The following THSD4 variants were observed in gnomAD, a reference collection of about 807,000 sequenced individuals.
THSD4 encodes the protein thrombospondin type 1 domain containing 4, also known as thrombospondin type-1 domain-containing protein 4.
THSD4 carries 69 observed loss-of-function variants against 119.0 expected under a neutral mutation model. That is an observed-to-expected ratio of 0.58 (90% CI 0.48 to 0.71). The LOEUF (loss-of-function observed/expected upper bound fraction) is 0.71, where lower values mean the gene tolerates loss of function less well. Ranked by LOEUF, THSD4 falls within the 30% of genes least tolerant of loss-of-function variation. The pLI, the probability that THSD4 is intolerant of heterozygous loss-of-function variation, is 0.00. For missense variants in THSD4, 1,393 were observed against 1,391.1 expected (o/e 1.00, Z -0.02); for synonymous variants, 524 against 540.4 (o/e 0.97, Z 0.42).
rs536390176 is a variant in THSD4, at chr15:71,228,265, TGAA to T, written c.464+12869_464+12871del. Among the ~76,000 whole-genome samples, 19 of 151,976 alleles carry T rather than the reference TGAA, an allele frequency of 1.3e-4. No homozygotes were observed. The South Asian group carries it at 3.7e-3, about 30-fold the overall frequency. On this transcript the variant is annotated intron_variant, in intron 4 of 17. Transcript: ENST00000261862. ...TGTGAAGATAGAATAGAGAGAGACT[TGAA>T]GATGCAGCTCTTGAAGACTGGAGTG...
intron 3 of THSD4, among the ~76,000 whole-genome samples, chr15:71,181,479 G>A (rs920297872): frequency 5.3e-5 from 8 of 152,162 alleles, no homozygotes; most frequent in East Asian, 3.8e-4. Flanking sequence ...ATAATGGTAC[G>A]GTCCTGGCAT....
intron 1 of THSD4, among the ~76,000 whole-genome samples, chr15:71,103,605 A>G (rs2040262244): frequency 6.6e-6 from 1 of 151,976 alleles, no homozygotes; most frequent in Non-Finnish European, 1.5e-5. Context: ...TGAAAAAAAA[A>G]GGAAGAAAGA....
chr15:71,653,373 C>G (rs1301451605), intron 7 of THSD4, among the ~76,000 whole-genome samples: 1 of 152,182 alleles, frequency 6.6e-6, no homozygotes, highest in Admixed American at 6.5e-5. Flanking sequence ...ATGTGCTCCT[C>G]GGTGTCCCAT....
chr15:71,743,226 TCTTCCCAA>T (rs2053270251), intron 11 of THSD4, among the ~76,000 whole-genome samples: 1 of 152,140 alleles, frequency 6.6e-6, no homozygotes, highest in Non-Finnish European at 1.5e-5. Context: ...GCAGGACCCA[TCTTCCCAA>T]GACACAGAGC....
chr15:71,570,975 T>C (rs904725644), intron 7 of THSD4, among the ~76,000 whole-genome samples: 1 of 152,156 alleles, frequency 6.6e-6, no homozygotes, highest in Admixed American at 6.5e-5. Context: ...CTGTGGATCA[T>C]TGAACCTTCA....
At chr15:71,743,764 C>T (rs899094784) in intron 11 of THSD4, among the ~76,000 whole-genome samples, 3 of 152,178 alleles carry the variant, frequency 2.0e-5, no homozygotes, top group African/African-American at 7.2e-5. Context: ...TCTTACTACC[C>T]TCTGGGTCAG....
intron 7 of THSD4, among the ~76,000 whole-genome samples, chr15:71,558,041 A>C (rs73443856): frequency 2.6e-4 from 39 of 152,224 alleles, no homozygotes; most frequent in African/African-American, 8.7e-4. Context: ...TTTAAAATTT[A>C]TGTGGGCCGC....
intron 9 of THSD4, chr15:71,729,520 A>G (rs548975274): frequency 6.6e-6 from 1 of 152,214 alleles, no homozygotes; most frequent in East Asian, 1.9e-4. Flanking sequence ...TATTAATTGC[A>G]TTGTCATTAC....
chr15:71,361,656 A>G (rs960284820), intron 6 of THSD4, among the ~76,000 whole-genome samples: 7 of 152,214 alleles, frequency 4.6e-5, no homozygotes, highest in African/African-American at 9.7e-5. Context: ...ACCTACAGCT[A>G]TTTCACTATT....
At chr15:71,485,509 G>C (rs1237877452) in intron 7 of THSD4, among the ~76,000 whole-genome samples, 1 of 152,140 alleles carries the variant, frequency 6.6e-6, no homozygotes, top group Non-Finnish European at 1.5e-5. Context: ...GAAATGTTTT[G>C]AGATCATTAA....
intron 4 of THSD4, among the ~76,000 whole-genome samples, chr15:71,242,199 G>T (rs556713322): frequency 3.9e-4 from 60 of 152,194 alleles, no homozygotes; most frequent in African/African-American, 1.4e-3. Flanking sequence ...AAATATCACA[G>T]TTAGTTGAAG....
chr15:71,389,329 T>A (rs1354266929), intron 6 of THSD4, among the ~76,000 whole-genome samples: 1 of 152,188 alleles, frequency 6.6e-6, no homozygotes, highest in African/African-American at 2.4e-5. Flanking sequence ...TTCTACTTTC[T>A]GTCTCTGAAT....
intron 7 of THSD4, among the ~76,000 whole-genome samples, chr15:71,482,255 G>A (rs1445774380): frequency 4.0e-5 from 6 of 151,202 alleles, no homozygotes; most frequent in African/African-American, 1.5e-4. Flanking sequence ...TCATATTTGA[G>A]TTCAAGGCAG....
intron 7 of THSD4, among the ~76,000 whole-genome samples, chr15:71,653,217 GAGA>G (rs1242747158): frequency 1.3e-5 from 2 of 152,206 alleles, no homozygotes; most frequent in Admixed American, 6.5e-5. Context: ...TAAAGAACTC[GAGA>G]AGGTTTGATA....
chr15:71,136,589 T>A (rs1174453059), intron 1 of THSD4, among the ~76,000 whole-genome samples: 1 of 150,960 alleles, frequency 6.6e-6, no homozygotes, highest in African/African-American at 2.4e-5. Flanking sequence ...GTGAGTCACT[T>A]CCCCTCCCCA....
Position 71,561,863 on chromosome 15 carries a change from A to AACAC in THSD4, c.1153-98613_1153-98610dup, listed in dbSNP as rs71154780. Among the ~76,000 whole-genome samples the AACAC allele has an allele frequency of 5.1e-3, 663 of 130,386 alleles. 5 individuals are homozygous for AACAC. The highest frequency in any genetic ancestry group is 8.3e-3 in the South Asian group (31 of 3,734). The allele number at this position is 130,386 out of a possible 152,430, so 85.5% of individuals were successfully genotyped here. The stretch of plus-strand genomic sequence containing the variant: ...TGGACCCAGGACTCCTTTTAAAATA[A>AACAC]ACACACACACACACACACACACACA... On this transcript the variant is annotated intron_variant, in intron 7 of 17. Transcript: ENST00000261862.
chr15:71,577,709 A>T (rs1014624525), intron 7 of THSD4, among the ~76,000 whole-genome samples: 7 of 109,580 alleles, frequency 6.4e-5, no homozygotes, highest in East Asian at 5.6e-4. Context: ...ACCTTTATTT[A>T]TTTATTTTAT....
intron 6 of THSD4, among the ~76,000 whole-genome samples, chr15:71,353,323 G>C (rs1179458778): frequency 6.6e-6 from 1 of 152,158 alleles, no homozygotes; most frequent in Non-Finnish European, 1.5e-5. Context: ...TGATAAACAA[G>C]GCATGTGGAT....
chr15:71,674,548 C>G (rs2141019269), intron 8 of THSD4, among the ~76,000 whole-genome samples: 1 of 152,238 alleles, frequency 6.6e-6, no homozygotes, highest in South Asian at 2.1e-4. Flanking sequence ...TATGCTGATG[C>G]CTGAGTCCCA....
Sources: allele counts gnomAD v4.1 joint callset (sites outside exome capture counted in the v4.1 genomes callset), GRCh38; gene constraint gnomAD v4.1.1; transcripts MANE v1.5; gene names NCBI Gene and HGNC (gene_info 2026-07-23, HGNC 2026-07-21).